DKK3: variants seen among roughly 807,000 people sequenced by gnomAD.
DKK3 encodes dickkopf-related protein 3.
DKK3 carries 22 observed loss-of-function variants against 33.2 expected under a neutral mutation model. The observed-to-expected ratio is 0.66, with a 90% CI of 0.47 to 0.95. DKK3 has a LOEUF of 0.95. Among genes scored for constraint, DKK3 ranks in the 40% least tolerant of loss-of-function variants. The pLI is 0.00. For missense variants in DKK3, 398 were observed against 458.4 expected (o/e 0.87, Z 1.20); for synonymous variants, 194 against 188.8 (o/e 1.03, Z -0.23).
chr11:11,985,712 C>T (rs1046400952), intron 3 of DKK3, among the ~76,000 whole-genome samples: 3 of 152,182 alleles, frequency 2.0e-5, no homozygotes, highest in African/African-American at 7.2e-5. Flanking sequence ...AGGGCTAGTA[C>T]ACTGTGTTGT....
intron 2 of DKK3, 43 bp downstream of exon 2, chr11:12,002,257 G>C: frequency 6.3e-7 from 1 of 1,595,476 alleles, no homozygotes; most frequent in Non-Finnish European, 8.6e-7. Flanking sequence ...TCTCTGATGG[G>C]ACTGGACGCT....
At position 12,006,984 on chromosome 11, in the gene DKK3, C is replaced by T. The variant is rs1018076862; in HGVS notation, c.213+1386G>A. On this transcript the variant is annotated intron_variant, in intron 1 of 6. Coordinates refer to ENST00000683431, the MANE Select transcript of DKK3 (RefSeq NM_001018057.2). ...AGAGACATTGGGGCCTATCTGAATC[C>T]CTTCACCCTTTAATTGCTCCATGTC... Among the ~76,000 whole-genome samples the T allele has an allele frequency of 3.9e-5, 6 of 152,140 alleles. No individual in the cohort carries two copies. The South Asian group carries it at 1.2e-3, about 32-fold the overall frequency.
intron 3 of DKK3, among the ~76,000 whole-genome samples, chr11:11,981,649 A>G (rs1437616814): frequency 6.6e-6 from 1 of 152,168 alleles, no homozygotes; most frequent in Non-Finnish European, 1.5e-5. Context: ...AAGGCTAACC[A>G]GAAGCATAAT....
chr11:11,997,469 C>G (rs1051584260), intron 3 of DKK3, among the ~76,000 whole-genome samples: 1 of 152,234 alleles, frequency 6.6e-6, no homozygotes, highest in Non-Finnish European at 1.5e-5. Context: ...GCTGGCCTCT[C>G]TTCCATCCCT....
intron 2 of DKK3, among the ~76,000 whole-genome samples, chr11:12,000,663 C>T (rs1230186530): frequency 6.7e-6 from 1 of 150,050 alleles, no homozygotes; most frequent in African/African-American, 2.5e-5. Context: ...TGACACCATG[C>T]CTGGCTAAGG....
intron 3 of DKK3, among the ~76,000 whole-genome samples, chr11:11,980,108 G>C (rs183486631): frequency 6.6e-6 from 1 of 152,272 alleles, no homozygotes; most frequent in Non-Finnish European, 1.5e-5. Flanking sequence ...ACAATCTCAA[G>C]CTCCCTCGGC....
In DKK3 at chr11:11,965,944, G is replaced by A; in HGVS notation, c.695C>T (p.Thr232Ile). ...FQRGLLFPVCTPLPVEGELCH... is the reference protein window; with the variant it reads ...FQRGLLFPVCIPLPVEGELCH... Reference sequence around the variant, plus strand: ...AAGCTCGCCCTCCACGGGCAGGGGTGTGCACACAGGGAACAGCAGGCCTGG... The same window carrying A: ...AAGCTCGCCCTCCACGGGCAGGGGTATGCACACAGGGAACAGCAGGCCTGG... The change falls in exon 6 of 7, where the codon ACA becomes ATA. Residue 232 changes from threonine (T) to isoleucine (I), a missense_variant. Transcript: ENST00000683431. 6.2e-7 allele frequency: 1 copy of A among 1,613,136 alleles called. No homozygotes were observed. Among genetic ancestry groups the A allele is most frequent in the Non-Finnish European group, 8.5e-7 (1 of 1,179,890 alleles).
At position 11,964,979 on chromosome 11, in the gene DKK3, A is replaced by G. The variant is rs576754597; in HGVS notation, c.831-293T>C. On this transcript the variant is annotated intron_variant, in intron 6 of 6. Transcript: ENST00000683431. ...CAGGGGCAGGACCTGAGTGCTATGT[A>G]GCAGCACCACAGCCCCTCAAAGACT... Among the ~76,000 whole-genome samples, 3 of 152,306 alleles carry G rather than the reference A, an allele frequency of 2.0e-5. No individual in the cohort carries two copies. The East Asian group carries it at 5.8e-4, about 29-fold the overall frequency.
chr11:11,965,505 G>T (rs572845392), intron 6 of DKK3, among the ~76,000 whole-genome samples: 7 of 152,286 alleles, frequency 4.6e-5, no homozygotes, highest in Admixed American at 3.9e-4. Context: ...CATTGTGACA[G>T]GTCTGGGGAG....
chr11:12,008,461 G>A lies in DKK3; in HGVS notation c.122C>T (p.Pro41Leu). Residue 41 changes from proline (P) to leucine (L), a missense_variant, in exon 1 of 7, where the codon CCG (proline) becomes CTG (leucine). Coordinates refer to ENST00000683431, the MANE Select transcript of DKK3 (RefSeq NM_001018057.2). The surrounding 1 kb of genome is among the most constrained non-coding windows in gnomAD (Gnocchi z 4.6). ...PVKPGPALSY[P>L]QEEATLNEMF... The stretch of plus-strand genomic sequence containing the variant: ...CTCATTGAGGGTGGCCTCCTCCTGC[G>A]GGTAGCTGAGAGCCGGGCCGGGCTT... The A allele has an allele frequency of 2.1e-5, 33 of 1,609,738 alleles. No homozygotes were observed. Among genetic ancestry groups the A allele is most frequent in the Non-Finnish European group, 2.7e-5 (32 of 1,179,492 alleles).
chr11:11,993,169 C>T (rs1848221373), intron 3 of DKK3, among the ~76,000 whole-genome samples: 2 of 151,446 alleles, frequency 1.3e-5, no homozygotes, highest in Non-Finnish European at 2.9e-5. Context: ...GATGTTTAGA[C>T]CAAAATTGTA....
At position 11,966,979 on chromosome 11, in the gene DKK3, C is replaced by G; in HGVS notation, c.648G>C (p.Pro216=). Residue 216 remains proline, a synonymous_variant, in exon 5 of 7, where the codon CCG becomes CCC. Coordinates refer to ENST00000683431, the MANE Select transcript of DKK3 (RefSeq NM_001018057.2). The part of the protein sequence containing the change: ...TICDNQRDCQ[P]GLCCAFQRGL... Reference sequence around the variant, plus strand: ...CTCTCTGGAAGGCACAGCACAGCCCCGGCTGGCAGTCCCTCTGGTTGTCAC... The same window carrying G: ...CTCTCTGGAAGGCACAGCACAGCCCGGGCTGGCAGTCCCTCTGGTTGTCAC... 1 of 1,614,006 alleles carries G rather than the reference C, an allele frequency of 6.2e-7. No homozygotes were observed. The highest frequency in any genetic ancestry group is 8.5e-7 in the Non-Finnish European group (1 of 1,179,950).
intron 3 of DKK3, among the ~76,000 whole-genome samples, chr11:11,983,890 T>G (rs1355551800): frequency 1.3e-5 from 2 of 152,218 alleles, no homozygotes; most frequent in African/African-American, 2.4e-5. Flanking sequence ...TCAAAATGGC[T>G]CTTCATAGTC....
intron 3 of DKK3, among the ~76,000 whole-genome samples, chr11:11,976,971 C>G (rs986921797): frequency 6.6e-6 from 1 of 152,206 alleles, no homozygotes; most frequent in Non-Finnish European, 1.5e-5. Context: ...GGCCCCAAAC[C>G]TCACTGAGGG....
chr11:11,997,271 A>G (rs1477519673), intron 3 of DKK3, among the ~76,000 whole-genome samples: 1 of 152,104 alleles, frequency 6.6e-6, no homozygotes, highest in Admixed American at 6.5e-5. Flanking sequence ...CTAATTCACA[A>G]CCCTGTGAGT....
At chr11:12,000,721 G>A (rs1848408435) in intron 2 of DKK3, among the ~76,000 whole-genome samples, 1 of 149,534 alleles carries the variant, frequency 6.7e-6, no homozygotes, top group Non-Finnish European at 1.5e-5. Context: ...GTTTCACCAT[G>A]TTGGCCAGGC....
chr11:11,976,612 G>C (rs1847839097), intron 3 of DKK3, among the ~76,000 whole-genome samples: 2 of 152,204 alleles, frequency 1.3e-5, no homozygotes, highest in South Asian at 4.1e-4. Context: ...CCCCAGCCAG[G>C]GGGCAGGAGG....
At chr11:12,007,043 TC>T (rs1848551173) in intron 1 of DKK3, among the ~76,000 whole-genome samples, 1 of 152,158 alleles carries the variant, frequency 6.6e-6, no homozygotes, top group African/African-American at 2.4e-5. Flanking sequence ...AACAGAAAGA[TC>T]ATGGGTCTTG....
rs562357604 is a variant in DKK3, at chr11:11,964,577, T to C, written c.940A>G (p.Met314Val). ...VPDEYEVGSF[M>V]EEVRQELEDL... ...TCCAGCTCCTGGCGCACCTCCTCCA[T>C]GAAGCTGCCAACTTCATACTCATCG... Residue 314 changes from methionine (M) to valine (V), a missense_variant, in exon 7 of 7, where the codon ATG becomes GTG. Transcript: ENST00000683431. The C allele has an allele frequency of 6.2e-6, 10 of 1,614,172 alleles. No individual in the cohort carries two copies. The South Asian group carries it at 9.9e-5, about 16-fold the overall frequency.
Sources: gnomAD v4.1 joint callset for allele counts (sites outside exome capture counted in the v4.1 genomes callset) on GRCh38, gnomAD v4.1.1 for gene constraint, Gnocchi (gnomAD v3.1) non-coding constraint, MANE v1.5 for transcripts, NCBI Gene and HGNC (gene_info 2026-07-23, HGNC 2026-07-21) for gene names.